Variants in GPR19 observed in about 807,000 individuals in gnomAD.
The protein encoded by GPR19 is probable G protein-coupled receptor 19.
In GPR19, 14 loss-of-function variants were observed where a neutral mutation model predicts 28.5. The observed-to-expected ratio is 0.49, with a 90% CI of 0.32 to 0.77. The LOEUF is 0.77. GPR19 is among the 30% of genes least tolerant of loss of function. The pLI is 0.03. For missense variants in GPR19, 409 were observed against 504.1 expected (o/e 0.81, Z 1.81); for synonymous variants, 173 against 184.1 (o/e 0.94, Z 0.49).
chr12:12,690,178 C>T (rs566295286), intron 2 of GPR19, among the ~76,000 whole-genome samples: 102 of 152,142 alleles, frequency 6.7e-4, no homozygotes, highest in African/African-American at 2.2e-3. Flanking sequence ...TTTTGTTATG[C>T]GGTAATAGAT....
intron 2 of GPR19, chr12:12,684,941 C>T (rs1946071971): frequency 2.0e-5 from 3 of 152,294 alleles, no homozygotes; most frequent in African/African-American, 7.2e-5. Context: ...CCTTAACCTC[C>T]CCTCTGGATC....
chr12:12,695,682 T>C (rs915534868), intron 1 of GPR19, among the ~76,000 whole-genome samples, 171 bp from the exon 2 acceptor site: 1 of 152,202 alleles, frequency 6.6e-6, no homozygotes, highest in Non-Finnish European at 1.5e-5. Flanking sequence ...ATTTCCACCT[T>C]ATATACACCA....
At chr12:12,715,786 C>A in the GPR19 span, 1 of 152,240 alleles carries the variant, frequency 6.6e-6, no homozygotes, top group Non-Finnish European at 1.5e-5. Context: ...GGAAACCTCT[C>A]TGAGTCTCGA....
intron 2 of GPR19, chr12:12,685,109 C>T (rs1946074737): frequency 2.6e-5 from 4 of 152,172 alleles, no homozygotes; most frequent in Admixed American, 2.0e-4. Flanking sequence ...ACATAAACCA[C>T]ACCATATGTT....
rs772334812 is a variant in GPR19, at chr12:12,661,388, C to T, written c.1061G>A (p.Arg354Gln). Residue 354 changes from arginine (R) to glutamine (Q), a missense_variant, in exon 4 of 4, where the codon CGA (arginine) becomes CAA (glutamine). By Grantham distance (43) the Arg-to-Gln change is conservative. Coordinates refer to ENST00000651487, the MANE Select transcript of GPR19 (RefSeq NM_006143.3). This position sits in a 1 kb window ranked among gnomAD's most constrained non-coding sequence, Gnocchi z 4.2. ...TGTTGTGATAGTATAGGCATTGCTT[C>T]GGTAACATTTCATAGAGGACATGCA... ...TFCMSSMKCY[R>Q]SNAYTITTSS... is the part of the protein sequence containing the mutation. 3.7e-6 allele frequency: 6 copies of T among 1,613,430 alleles called. No homozygotes were observed. Among genetic ancestry groups the T allele is most frequent in the South Asian group, 1.1e-5 (1 of 91,074 alleles).
At chr12:12,670,153 A>C (rs1335986948) in intron 3 of GPR19, among the ~76,000 whole-genome samples, 1 of 152,230 alleles carries the variant, frequency 6.6e-6, no homozygotes, top group Admixed American at 6.5e-5. Context: ...TACAATGTCG[A>C]CTCAGATGAG....
intron 3 of GPR19, among the ~76,000 whole-genome samples, chr12:12,682,960 C>T (rs1036796282): frequency 2.6e-5 from 4 of 151,972 alleles, no homozygotes; most frequent in African/African-American, 7.3e-5. Context: ...AAAATAAATC[C>T]AGTCAGTTTG....
the GPR19 span, among the ~76,000 whole-genome samples, chr12:12,712,510 C>A: frequency 6.6e-6 from 1 of 152,210 alleles, no homozygotes; most frequent in Non-Finnish European, 1.5e-5. Flanking sequence ...ACTGTCTGAT[C>A]CCATCCCCAC....
the GPR19 span, chr12:12,703,274 A>G: frequency 1.9e-6 from 1 of 519,038 alleles, no homozygotes; most frequent in African/African-American, 2.1e-5. Flanking sequence ...CCTAATTTCA[A>G]CTTGCCTCTA....
At chr12:12,705,275 C>G in the GPR19 span, among the ~76,000 whole-genome samples, 42,853 of 151,586 alleles carry the variant, frequency 0.28, 6,576 homozygotes, top group African/African-American at 0.42. Context: ...TGAGATCGTG[C>G]TATTGCACTC....
intron 3 of GPR19, among the ~76,000 whole-genome samples, chr12:12,665,347 C>A (rs1359523574): frequency 1.3e-5 from 2 of 152,142 alleles, no homozygotes; most frequent in Non-Finnish European, 2.9e-5. Flanking sequence ...GCTTTACACC[C>A]ATGAGTCTGT....
chr12:12,681,100 C>T (rs1946012574), intron 3 of GPR19, among the ~76,000 whole-genome samples: 1 of 152,150 alleles, frequency 6.6e-6, no homozygotes, highest in Non-Finnish European at 1.5e-5. Flanking sequence ...ACTCAGCCTC[C>T]CTTTTTCTTT....
intron 3 of GPR19, among the ~76,000 whole-genome samples, chr12:12,671,523 C>G (rs930858056): frequency 2.6e-5 from 4 of 152,038 alleles, no homozygotes; most frequent in African/African-American, 9.7e-5. Context: ...AAACTGTTTC[C>G]TAACTGGCAT....
At chr12:12,685,874 A>T (rs910789653) in intron 2 of GPR19, among the ~76,000 whole-genome samples, 1 of 152,228 alleles carries the variant, frequency 6.6e-6, no homozygotes, top group African/African-American at 2.4e-5. Context: ...GGAAGCCATT[A>T]TCTAAGTCCT....
chr12:12,676,543 A>G (rs117489869), intron 3 of GPR19, among the ~76,000 whole-genome samples: 1 of 152,288 alleles, frequency 6.6e-6, no homozygotes, highest in East Asian at 1.9e-4. Flanking sequence ...AGGAAAGATG[A>G]ATTTTACCTA....
At chr12:12,705,611 G>C in the GPR19 span, among the ~76,000 whole-genome samples, 2 of 151,822 alleles carry the variant, frequency 1.3e-5, no homozygotes, top group Non-Finnish European at 2.9e-5. Flanking sequence ...GCAGTGGCAT[G>C]TTTACAGCTC....
chr12:12,679,800 A>G (rs10845604), intron 3 of GPR19, among the ~76,000 whole-genome samples: 83,685 of 152,000 alleles, frequency 0.55, 23,565 homozygotes, highest in South Asian at 0.61. Flanking sequence ...GGTTCAAGTC[A>G]CTTATAATCT....
At chr12:12,670,667 A>G (rs935685008) in intron 3 of GPR19, among the ~76,000 whole-genome samples, 1 of 152,210 alleles carries the variant, frequency 6.6e-6, no homozygotes, top group Non-Finnish European at 1.5e-5. Flanking sequence ...GGAACAAAGC[A>G]ACTGCTTCAA....
At chr12:12,676,444 T>C (rs968672326) in intron 3 of GPR19, among the ~76,000 whole-genome samples, 5 of 152,122 alleles carry the variant, frequency 3.3e-5, no homozygotes, top group African/African-American at 1.2e-4. Flanking sequence ...AGAGTGCATT[T>C]TGATGGGAGG....
Sources: gnomAD v4.1 joint callset for allele counts (sites outside exome capture counted in the v4.1 genomes callset) on GRCh38, gnomAD v4.1.1 for gene constraint, Gnocchi (gnomAD v3.1) non-coding constraint, MANE v1.5 for transcripts, NCBI Gene and HGNC (gene_info 2026-07-23, HGNC 2026-07-21) for gene names.